Variants in DRC3 observed in about 807,000 individuals in gnomAD.
DRC3 encodes dynein regulatory complex subunit 3.
DRC3 carries 45 observed loss-of-function variants against 57.6 expected under a neutral mutation model. The ratio of observed to expected loss-of-function variants is 0.78; its 90% CI spans 0.62 to 1.00. The LOEUF (loss-of-function observed/expected upper bound fraction) is 1.00, where lower values mean the gene tolerates loss of function less well. DRC3 is among the 50% of genes least tolerant of loss of function. DRC3 has a pLI of 0.00. For synonymous variants in DRC3, 257 were observed against 272.3 expected (o/e 0.94, Z 0.55); for missense variants, 655 against 675.2 (o/e 0.97, Z 0.33).
chr17:17,996,107 G>A (rs1333832332), intron 8 of DRC3, among the ~76,000 whole-genome samples: 5 of 152,156 alleles, frequency 3.3e-5, no homozygotes, highest in African/African-American at 9.7e-5. Context: ...TGCAACCTCC[G>A]CCTCCTGGGT....
rs1597661234 is a variant in DRC3, at chr17:18,016,760, A to G, written c.*89A>G. 5.9e-5 allele frequency: 44 copies of G among 749,974 alleles called. 1 individual carries two copies. The East Asian group carries it at 1.2e-3, about 21-fold the overall frequency. The allele number at this position is 749,974 out of a possible 1,614,324, so 46.5% of individuals were successfully genotyped here. Reference sequence around the variant, plus strand: ...GCACACGCCTCACCCGCACCTCTAGAGAGTTGCTGGGCATCTCTCAACCGC... The same window carrying G: ...GCACACGCCTCACCCGCACCTCTAGGGAGTTGCTGGGCATCTCTCAACCGC... On this transcript the variant is annotated 3_prime_UTR_variant, in exon 14 of 14. Coordinates refer to ENST00000399187, the MANE Select transcript of DRC3 (RefSeq NM_031294.4).
intron 4 of DRC3, among the ~76,000 whole-genome samples, chr17:17,984,797 T>C (rs1251606110): frequency 6.6e-6 from 1 of 152,048 alleles, no homozygotes; most frequent in Non-Finnish European, 1.5e-5. Flanking sequence ...GGTCTTCTGG[T>C]AATAAGGGCA....
rs566693343 is a variant in DRC3, at chr17:18,016,319, G to T, written c.1458+124G>T. The stretch of plus-strand genomic sequence containing the variant: ...AAATGAAGGAAGAAATAAAATTAAG[G>T]ATTATAGAATTCCACACTGAAGACA... On this transcript the variant is annotated intron_variant, in intron 13 of 13. Transcript: ENST00000399187. 178 of 1,159,714 alleles carry T rather than the reference G, an allele frequency of 1.5e-4. 3 individuals are homozygous for T. Among genetic ancestry groups the T allele is most frequent in the Middle Eastern group, 1.3e-3 (5 of 3,832 alleles). The allele number at this position is 1,159,714 out of a possible 1,614,324, so 71.8% of individuals were successfully genotyped here. A position where few individuals can be genotyped will look rare whatever the true frequency, so the allele number is the denominator to read the frequency against.
At chr17:17,985,694 C>T (rs2042923991) in intron 4 of DRC3, among the ~76,000 whole-genome samples, 2 of 152,110 alleles carry the variant, frequency 1.3e-5, no homozygotes, top group South Asian at 4.1e-4. Flanking sequence ...GTATTTACAC[C>T]ACAGAAATGA....
At chr17:17,986,696 C>T (rs983200075) in intron 4 of DRC3, among the ~76,000 whole-genome samples, 1 of 151,992 alleles carries the variant, frequency 6.6e-6, no homozygotes, top group East Asian at 2.0e-4. Flanking sequence ...CTCCTGACCC[C>T]CAAGTGATCC....
At chr17:17,976,727 A>G (rs1167237857) in intron 2 of DRC3, among the ~76,000 whole-genome samples, 1 of 152,222 alleles carries the variant, frequency 6.6e-6, no homozygotes, top group Admixed American at 6.5e-5. Context: ...TAGCTTAAGT[A>G]GAAGAGGATT....
At chr17:17,993,049 C>T (rs1053044564) in intron 6 of DRC3, 138 bp downstream of exon 6, 1 of 856,092 alleles carries the variant, frequency 1.2e-6, no homozygotes. Context: ...CTTCCTAATC[C>T]CTTTACCTGA....
intron 9 of DRC3, among the ~76,000 whole-genome samples, chr17:17,999,325 G>A (rs1014037267): frequency 2.0e-5 from 3 of 152,192 alleles, no homozygotes; most frequent in African/African-American, 7.2e-5. Context: ...CCTGCATGCG[G>A]AGTCCCTGGG....
At chr17:17,987,193 C>A in intron 4 of DRC3, among the ~76,000 whole-genome samples, 1 of 112,078 alleles carries the variant, frequency 8.9e-6, no homozygotes, top group Non-Finnish European at 1.6e-5. Flanking sequence ...CCAGTCTGCA[C>A]AACAGAGCGA....
At chr17:18,006,778 G>T in intron 11 of DRC3, 1 of 502,856 alleles carries the variant, frequency 2.0e-6, no homozygotes, top group Non-Finnish European at 3.6e-6. Flanking sequence ...TAACCCAGAG[G>T]CCAGGAGCCT....
At chr17:18,016,021 A>C in intron 12 of DRC3, 43 bp from the exon 13 acceptor site, 1 of 1,606,874 alleles carries the variant, frequency 6.2e-7, no homozygotes, top group Non-Finnish European at 8.5e-7. Flanking sequence ...TGTTCACGGT[A>C]TAATGACACA....
intron 11 of DRC3, chr17:18,006,489 G>A: frequency 8.8e-6 from 5 of 565,660 alleles, no homozygotes; most frequent in Non-Finnish European, 1.6e-5. Context: ...AGGAAATGAC[G>A]CCCCCTGTGT....
chr17:18,004,783 C>G (rs2043885600), intron 10 of DRC3: 1 of 352,810 alleles, frequency 2.8e-6, no homozygotes, highest in Non-Finnish European at 5.2e-6. Flanking sequence ...CTGGAGCTAT[C>G]CGGGTACTCT....
intron 9 of DRC3, among the ~76,000 whole-genome samples, chr17:18,000,207 TGTGTGC>T (rs2043655064): frequency 6.6e-6 from 1 of 151,450 alleles, no homozygotes; most frequent in African/African-American, 2.4e-5. Context: ...TGTGTGTGTG[TGTGTGC>T]ATAGCATGCC....
intron 9 of DRC3, among the ~76,000 whole-genome samples, chr17:18,003,392 A>C (rs559630333): frequency 1.5e-4 from 22 of 144,302 alleles, no homozygotes; most frequent in Non-Finnish European, 2.9e-4. Context: ...AGACTGAGGC[A>C]GAGAATTGCT....
At chr17:17,991,043 T>C (rs2043202449) in intron 5 of DRC3, among the ~76,000 whole-genome samples, 1 of 152,082 alleles carries the variant, frequency 6.6e-6, no homozygotes, top group South Asian at 2.1e-4. Flanking sequence ...ACTCCTAAAA[T>C]ATGTGCTCTT....
rs1351953963 is a variant in DRC3, at chr17:18,006,219, A to C, written c.1168A>C (p.Met390Leu). ...INMFERNIVDMVGLFIENVQS... is the reference protein window; with the variant it reads ...INMFERNIVDLVGLFIENVQS... ...CATGTTTGAAAGGAACATTGTTGAC[A>C]TGGTAGGACTGTTTATCGAAAATGT... Residue 390 changes from methionine (M) to leucine (L), a missense_variant, in exon 11 of 14, where the codon ATG becomes CTG. Coordinates refer to ENST00000399187, the MANE Select transcript of DRC3 (RefSeq NM_031294.4). The C allele has an allele frequency of 1.2e-6, 2 of 1,612,760 alleles. No homozygotes were observed. The highest frequency in any genetic ancestry group is 3.3e-5 in the Admixed American group (2 of 59,912).
intron 12 of DRC3, among the ~76,000 whole-genome samples, chr17:18,009,515 C>T (rs1195656791): frequency 1.3e-5 from 2 of 152,226 alleles, no homozygotes; most frequent in Admixed American, 6.5e-5. Context: ...TTAATCTTCA[C>T]ATCAACACGG....
intron 4 of DRC3, among the ~76,000 whole-genome samples, chr17:17,984,648 C>A (rs973372094): frequency 1.3e-5 from 2 of 152,032 alleles, no homozygotes; most frequent in Non-Finnish European, 2.9e-5. Flanking sequence ...TGTTATAATC[C>A]CAATCTACAG....
Sources: allele counts gnomAD v4.1 joint callset (sites outside exome capture counted in the v4.1 genomes callset), GRCh38; gene constraint gnomAD v4.1.1; transcripts MANE v1.5; gene names NCBI Gene and HGNC (gene_info 2026-07-23, HGNC 2026-07-21).